Variants in BRINP3 observed in about 807,000 individuals in gnomAD.
BRINP3 encodes the protein BMP/retinoic acid inducible neural specific 3, also known as BMP/retinoic acid-inducible neural-specific protein 3.
BRINP3 carries 19 observed loss-of-function variants against 71.0 expected under a neutral mutation model. The observed-to-expected ratio is 0.27, with a 90% CI of 0.19 to 0.39. The LOEUF is 0.39. Ranked by LOEUF, BRINP3 falls within the 10% of genes least tolerant of loss-of-function variation. The probability of loss-of-function intolerance (pLI) is 1.00; values close to 1 mark genes in which losing one functional copy is unlikely to be tolerated. For synonymous variants in BRINP3, 380 were observed against 337.7 expected, an observed-to-expected ratio of 1.13 and a Z score of -1.37; for missense variants, 959 against 940.8, an observed-to-expected ratio of 1.02 and a Z score of -0.25.
At chr1:190,368,821 A>G (rs976172882) in intron 2 of BRINP3, among the ~76,000 whole-genome samples, 3 of 152,230 alleles carry the variant, frequency 2.0e-5, no homozygotes, top group Non-Finnish European at 2.9e-5. Flanking sequence ...TTACGTCTTT[A>G]GATGAATGTA....
At chr1:190,312,333 T>A (rs767946624) in intron 2 of BRINP3, among the ~76,000 whole-genome samples, 2 of 151,366 alleles carry the variant, frequency 1.3e-5, no homozygotes, top group Non-Finnish European at 3.0e-5. Context: ...AAATTTTGAA[T>A]GACACTAAAG....
At chr1:190,242,333 T>C (rs1659181175) in intron 4 of BRINP3, among the ~76,000 whole-genome samples, 1 of 152,054 alleles carries the variant, frequency 6.6e-6, no homozygotes, top group Admixed American at 6.6e-5. Flanking sequence ...AGCATTATAC[T>C]TAGTGTGTTA....
At chr1:190,237,624 T>C (rs1298703961) in intron 4 of BRINP3, among the ~76,000 whole-genome samples, 1 of 151,998 alleles carries the variant, frequency 6.6e-6, no homozygotes, top group Non-Finnish European at 1.5e-5. Flanking sequence ...TTGCCAGACA[T>C]GAAAATGGTT....
chr1:190,189,009 C>T (rs1341139123), intron 6 of BRINP3, among the ~76,000 whole-genome samples: 1 of 152,070 alleles, frequency 6.6e-6, no homozygotes, highest in African/African-American at 2.4e-5. Flanking sequence ...ATCTGCCTGC[C>T]TCGACCTCCC....
intron 2 of BRINP3, among the ~76,000 whole-genome samples, chr1:190,391,748 C>G (rs1449370260): frequency 1.3e-5 from 2 of 151,620 alleles, no homozygotes; most frequent in African/African-American, 2.4e-5. Context: ...GTAAATTATA[C>G]TGAATCGACC....
intron 5 of BRINP3, among the ~76,000 whole-genome samples, chr1:190,228,910 C>G (rs1657667779): frequency 6.6e-6 from 1 of 152,020 alleles, no homozygotes; most frequent in East Asian, 1.9e-4. Context: ...AGCCTATGTG[C>G]TTCCTGTAAA....
intron 6 of BRINP3, among the ~76,000 whole-genome samples, chr1:190,192,880 T>A (rs1654168945): frequency 1.3e-5 from 2 of 152,088 alleles, no homozygotes; most frequent in Admixed American, 6.6e-5. Flanking sequence ...TTGGAAATAT[T>A]CGGGGTAATA....
intron 2 of BRINP3, among the ~76,000 whole-genome samples, chr1:190,405,133 G>T (rs1237589372): frequency 1.3e-5 from 2 of 151,938 alleles, no homozygotes; most frequent in Non-Finnish European, 2.9e-5. Context: ...TTCTTATTTT[G>T]TAGTAATAAA....
rs562062274 is a variant in BRINP3 at position 190,113,701 on chromosome 1, C to T, written c.1185-14567G>A. Among the ~76,000 whole-genome samples, 290 of 152,214 alleles carry T rather than the reference C, an allele frequency of 1.9e-3. 1 individual carries two copies. The highest frequency in any genetic ancestry group is 6.5e-3 in the African/African-American group (272 of 41,544). ...ACAATAGCAAATTACTCAAGTCCTC[C>T]GTCAATTAGTGGCAAAACTAAAACC... On this transcript the variant is annotated intron_variant, in intron 7 of 7. Transcript: ENST00000367462.
At chr1:190,237,510 A>G (rs996292273) in intron 4 of BRINP3, among the ~76,000 whole-genome samples, 3 of 152,018 alleles carry the variant, frequency 2.0e-5, no homozygotes, top group African/African-American at 7.2e-5. Context: ...TTTTAATAAT[A>G]AAAGTAACAA....
chr1:190,282,680 CATG>C (rs752870524), intron 2 of BRINP3, among the ~76,000 whole-genome samples: 4 of 151,928 alleles, frequency 2.6e-5, no homozygotes, highest in Non-Finnish European at 5.9e-5. Flanking sequence ...AGGATCAGTG[CATG>C]ATAAGAGATT....
chr1:190,229,496 C>T (rs1657733120), intron 5 of BRINP3, among the ~76,000 whole-genome samples: 1 of 151,858 alleles, frequency 6.6e-6, no homozygotes. Context: ...TAAGAACAGA[C>T]TAATATGTTG....
At chr1:190,152,605 A>G (rs1221869053) in intron 7 of BRINP3, among the ~76,000 whole-genome samples, 1 of 149,592 alleles carries the variant, frequency 6.7e-6, no homozygotes, top group Non-Finnish European at 1.5e-5. Context: ...ATCTAAAAAA[A>G]GTGCCTCTAT....
At chr1:190,448,926 A>G (rs1016239773) in intron 2 of BRINP3, among the ~76,000 whole-genome samples, 1 of 151,944 alleles carries the variant, frequency 6.6e-6, no homozygotes, top group African/African-American at 2.4e-5. Context: ...GTTGGCAATA[A>G]TATTTTAAAC....
At chr1:190,332,172 A>G (rs1667007637) in intron 2 of BRINP3, among the ~76,000 whole-genome samples, 1 of 152,096 alleles carries the variant, frequency 6.6e-6, no homozygotes, top group Non-Finnish European at 1.5e-5. Flanking sequence ...GAAGAAGTAT[A>G]TGAACACGTG....
intron 7 of BRINP3, among the ~76,000 whole-genome samples, chr1:190,139,303 T>G (rs1012763163): frequency 8.6e-5 from 13 of 151,098 alleles, no homozygotes; most frequent in Non-Finnish European, 1.8e-4. Context: ...AATACAAAAA[T>G]TAGCCAGGCA....
rs568964630 is a variant in BRINP3 at position 190,358,314 on chromosome 1, G to GA, written c.237-76565dup. Among the ~76,000 whole-genome samples the GA allele has an allele frequency of 1.9e-4, 29 of 152,054 alleles. No homozygotes were observed. In the Middle Eastern group the frequency reaches 0.01, roughly 54 times the overall value. On this transcript the variant is annotated intron_variant, in intron 2 of 7. Coordinates refer to ENST00000367462, the MANE Select transcript of BRINP3 (RefSeq NM_199051.3). The stretch of plus-strand genomic sequence containing the variant: ...ACAATGAACTCAAACAAATTTACAA[G>GA]AAAAAAAGCAAACAATCCCATCAAC...
intron 6 of BRINP3, among the ~76,000 whole-genome samples, chr1:190,196,435 G>A (rs1654485653): frequency 6.6e-6 from 1 of 152,094 alleles, no homozygotes; most frequent in Admixed American, 6.6e-5. Flanking sequence ...TAGATCTGTA[G>A]TATACATTTT....
chr1:190,113,489 A>G (rs925372857), intron 7 of BRINP3, among the ~76,000 whole-genome samples: 4 of 152,166 alleles, frequency 2.6e-5, no homozygotes, highest in African/African-American at 9.7e-5. Context: ...CATAATCCCA[A>G]TCTTTCACGG....
Sources: gnomAD v4.1 joint callset for allele counts (sites outside exome capture counted in the v4.1 genomes callset) on GRCh38, gnomAD v4.1.1 for gene constraint, MANE v1.5 for transcripts, NCBI Gene and HGNC (gene_info 2026-07-23, HGNC 2026-07-21) for gene names.